HECTD2: variants seen among roughly 807,000 people sequenced by gnomAD.
HECTD2 encodes probable E3 ubiquitin-protein ligase HECTD2.
HECTD2 carries 35 observed loss-of-function variants against 103.2 expected under a neutral mutation model. The ratio of observed to expected loss-of-function variants is 0.34; its 90% CI spans 0.26 to 0.45. The LOEUF is 0.45. Ranked by LOEUF, HECTD2 falls within the 20% of genes least tolerant of loss-of-function variation. The probability of loss-of-function intolerance (pLI) is 1.00; values close to 1 mark genes in which losing one functional copy is unlikely to be tolerated. For synonymous variants in HECTD2, 281 were observed against 329.9 expected, an observed-to-expected ratio of 0.85 and a Z score of 1.61; for missense variants, 596 against 937.4, an observed-to-expected ratio of 0.64 and a Z score of 4.76.
rs185241826 is a variant in HECTD2, at chr10:91,431,104, G to C, written c.268+5694G>C. Among the ~76,000 whole-genome samples, 220 of 151,602 alleles carry C rather than the reference G, an allele frequency of 1.5e-3. 5 individuals are homozygous for C. The highest frequency in any genetic ancestry group is 6.8e-3 in the Middle Eastern group (2 of 294). Reference sequence around the variant, plus strand: ...TGACAAAATCCCTCAGCATTTGCTTGTCTGTAAAGTATTTTATTTCTCCTT... The same window carrying C: ...TGACAAAATCCCTCAGCATTTGCTTCTCTGTAAAGTATTTTATTTCTCCTT... On this transcript the variant is annotated intron_variant, in intron 2 of 20. Coordinates refer to ENST00000298068, the MANE Select transcript of HECTD2 (RefSeq NM_182765.6).
chr10:91,465,073 T>G (rs1845483488), intron 5 of HECTD2, among the ~76,000 whole-genome samples: 1 of 152,206 alleles, frequency 6.6e-6, no homozygotes, highest in Non-Finnish European at 1.5e-5. Flanking sequence ...TAAACAAATC[T>G]TTAACTTTTA....
intron 1 of HECTD2, among the ~76,000 whole-genome samples, chr10:91,416,018 C>T (rs1159836359): frequency 2.3e-5 from 2 of 85,738 alleles, no homozygotes; most frequent in East Asian, 5.9e-4. Context: ...ACCACAAAGC[C>T]GTAAAGTCTC....
intron 14 of HECTD2, among the ~76,000 whole-genome samples, chr10:91,494,332 A>T (rs1207627286): frequency 1.3e-5 from 2 of 152,074 alleles, no homozygotes; most frequent in Non-Finnish European, 2.9e-5. Flanking sequence ...AAAATGGAAC[A>T]ATTACATTTG....
chr10:91,430,808 A>G (rs1843826603), intron 2 of HECTD2, among the ~76,000 whole-genome samples: 1 of 151,934 alleles, frequency 6.6e-6, no homozygotes, highest in Non-Finnish European at 1.5e-5. Context: ...AATACAGTAC[A>G]CTGATGGGTC....
chr10:91,502,941 A>G (rs1006274251), intron 20 of HECTD2, among the ~76,000 whole-genome samples: 27 of 152,322 alleles, frequency 1.8e-4, no homozygotes, highest in African/African-American at 5.3e-4. Context: ...AAGACATACA[A>G]CATTTCAATT....
intron 6 of HECTD2, among the ~76,000 whole-genome samples, chr10:91,479,352 C>T (rs924219622): frequency 4.6e-5 from 7 of 152,118 alleles, no homozygotes; most frequent in African/African-American, 1.7e-4. Flanking sequence ...ATTTCAGAAT[C>T]AATAGAGTGA....
Position 91,501,425 on chromosome 10 carries a change from G to A in HECTD2, c.2210+91G>A, listed in dbSNP as rs567361863. The A allele has an allele frequency of 2.6e-4, 185 of 715,382 alleles. 3 individuals carry two copies. In the South Asian group the frequency reaches 4.5e-3, roughly 17 times the overall value. 44.3% of individuals were successfully genotyped at this position (715,382 alleles called of 1,614,324 possible). On this transcript the variant is annotated intron_variant, in intron 20 of 20. Coordinates refer to ENST00000298068, the MANE Select transcript of HECTD2 (RefSeq NM_182765.6). ...CATTTGGAATCAGGATGTGTACTCC[G>A]TTTGAAGTTATTTTCATAGAAAAAT...
intron 2 of HECTD2, among the ~76,000 whole-genome samples, chr10:91,451,807 G>T (rs2133158924): frequency 6.6e-6 from 1 of 152,172 alleles, no homozygotes; most frequent in South Asian, 2.1e-4. Flanking sequence ...AAGGAAGGAA[G>T]ACCTTATTAG....
intron 20 of HECTD2, among the ~76,000 whole-genome samples, chr10:91,505,213 A>T (rs957765914): frequency 6.6e-6 from 1 of 152,118 alleles, no homozygotes; most frequent in African/African-American, 2.4e-5. Flanking sequence ...AACTGCATCA[A>T]CTAACGAGCA....
intron 2 of HECTD2, among the ~76,000 whole-genome samples, chr10:91,459,651 T>C (rs545753256): frequency 3.9e-5 from 6 of 152,266 alleles, no homozygotes; most frequent in Non-Finnish European, 8.8e-5. Context: ...AATGTACTTT[T>C]CTGTTTCCAG....
Position 91,512,529 on chromosome 10 carries a change from A to G in HECTD2, c.*145A>G. ...TTAAGTTTTTAAAAAATCAAATATG[A>G]AGTATGTTCAGCAAAGGCATAATTT... is the stretch of plus-strand genomic sequence containing the variant. On this transcript the variant is annotated 3_prime_UTR_variant, in exon 21 of 21. Coordinates refer to ENST00000298068, the MANE Select transcript of HECTD2 (RefSeq NM_182765.6). 1 of 761,784 alleles carries G rather than the reference A, an allele frequency of 1.3e-6. No individual in the cohort carries two copies. The highest frequency in any genetic ancestry group is 2.0e-6 in the Non-Finnish European group (1 of 492,168). The allele number at this position is 761,784 out of a possible 1,614,324, so 47.2% of individuals were successfully genotyped here.
chr10:91,512,126 G>C (rs1010255915), intron 20 of HECTD2, 138 bp from the exon 21 acceptor site: 32 of 864,422 alleles, frequency 3.7e-5, no homozygotes, highest in Non-Finnish European at 5.7e-5. Flanking sequence ...TATCTGTTCA[G>C]TGAAGAAATG....
At chr10:91,502,884 A>G (rs956849287) in intron 20 of HECTD2, among the ~76,000 whole-genome samples, 5 of 152,196 alleles carry the variant, frequency 3.3e-5, no homozygotes, top group African/African-American at 1.2e-4. Flanking sequence ...TAGAACCTCT[A>G]GGATTCCCAG....
intron 2 of HECTD2, among the ~76,000 whole-genome samples, chr10:91,450,221 C>G (rs749085880): frequency 1.3e-5 from 2 of 152,120 alleles, no homozygotes; most frequent in Non-Finnish European, 2.9e-5. Context: ...AATAATGCCA[C>G]ACATCTACAG....
At chr10:91,494,019 A>G (rs1220517493) in intron 14 of HECTD2, among the ~76,000 whole-genome samples, 3 of 152,060 alleles carry the variant, frequency 2.0e-5, no homozygotes, top group East Asian at 1.9e-4. Context: ...TAAAAATTTT[A>G]TAAGTCCATC....
At chr10:91,492,199 G>A (rs1846507188) in intron 12 of HECTD2, among the ~76,000 whole-genome samples, 153 bp from the exon 13 acceptor site, 1 of 152,180 alleles carries the variant, frequency 6.6e-6, no homozygotes, top group African/African-American at 2.4e-5. Flanking sequence ...AGCTCACACA[G>A]TGTCTGGCAG....
chr10:91,492,244 G>A (rs1846507836), intron 12 of HECTD2, 108 bp from the exon 13 acceptor site: 1 of 991,032 alleles, frequency 1.0e-6, no homozygotes, highest in South Asian at 1.4e-5. Flanking sequence ...GAGTTTTGTA[G>A]CATTGCAAAT....
At chr10:91,450,172 C>T (rs994894102) in intron 2 of HECTD2, among the ~76,000 whole-genome samples, 2 of 152,006 alleles carry the variant, frequency 1.3e-5, no homozygotes, top group African/African-American at 4.8e-5. Context: ...GGTACCAAAA[C>T]AGATATATAA....
intron 3 of HECTD2, 64 bp from the exon 4 acceptor site, chr10:91,461,190 G>A: frequency 1.4e-6 from 1 of 710,170 alleles, no homozygotes; most frequent in Non-Finnish European, 2.4e-6. Flanking sequence ...ACATTAAAAA[G>A]TAATACTAGT....
Sources: gnomAD v4.1 joint callset for allele counts (sites outside exome capture counted in the v4.1 genomes callset) on GRCh38, gnomAD v4.1.1 for gene constraint, MANE v1.5 for transcripts, NCBI Gene and HGNC (gene_info 2026-07-23, HGNC 2026-07-21) for gene names.